The following LRRC15 variants were observed in gnomAD, a reference collection of about 807,000 sequenced individuals.
LRRC15 encodes the protein leucine-rich repeat-containing protein 15.
Under a neutral mutation model 4.3 loss-of-function variants are expected in LRRC15, and 5 were observed. The ratio of observed to expected loss-of-function variants is 1.16; its 90% CI spans 0.61 to 2.44. The LOEUF is 2.44. Ranked by LOEUF, LRRC15 falls within the 30% of genes most tolerant of loss-of-function variation. The pLI, the probability that LRRC15 is intolerant of heterozygous loss-of-function variation, is 0.01. For synonymous variants in LRRC15, 337 were observed against 323.2 expected, an observed-to-expected ratio of 1.04 and a Z score of -0.46; for missense variants, 769 against 747.0, an observed-to-expected ratio of 1.03 and a Z score of -0.34.
rs1713497005 is a variant in LRRC15 at position 194,358,487 on chromosome 3, C to G, written c.*811G>C. ...TTAATGTTTTTAGAAGTCCAAAATTCTACATGATTTCATTCCTTAAAGGGC... is the reference window on the plus strand; with the variant it reads ...TTAATGTTTTTAGAAGTCCAAAATTGTACATGATTTCATTCCTTAAAGGGC... On this transcript the variant is annotated 3_prime_UTR_variant, in exon 2 of 2. Coordinates refer to ENST00000347624, the MANE Select transcript of LRRC15 (RefSeq NM_130830.5). The G allele has an allele frequency of 6.6e-6, 1 of 152,228 alleles. No individual in the cohort carries two copies. The highest frequency in any genetic ancestry group is 1.5e-5 in the Non-Finnish European group (1 of 68,036). 9.4% of individuals were successfully genotyped at this position (152,228 alleles called of 1,614,324 possible).
At position 194,360,741 on chromosome 3, in the gene LRRC15, G is replaced by T. The variant is rs763647956; in HGVS notation, c.303C>A (p.Gly101=). ...TGGCGAGGCTGAGATAGCGCAGCGA[G>T]CCCAGGTTTCGGAAGGCCCCAGGCG... ...RITPGAFRNL[G]SLRYLSLANN... is the part of the protein sequence containing the mutation. The change falls in exon 2 of 2, where the codon GGC becomes GGA. Residue 101 remains glycine, a synonymous_variant. Coordinates refer to ENST00000347624, the MANE Select transcript of LRRC15 (RefSeq NM_130830.5). 6.2e-7 allele frequency: 1 copy of T among 1,614,222 alleles called. No homozygotes were observed. The highest frequency in any genetic ancestry group is 2.2e-5 in the East Asian group (1 of 44,884).
rs150242942 is a variant in LRRC15, at chr3:194,360,864, G to T, written c.180C>A (p.Ile60=). Residue 60 remains isoleucine, a synonymous_variant, in exon 2 of 2, where the codon ATC becomes ATA. Transcript: ENST00000347624. ...TGAGTTCAGTGATGTGCGTGTTGAG[G>T]ATCTGCAGGCTCATGGCGTTCCAGG... The part of the protein sequence containing the change: ...PLPWNAMSLQ[I]LNTHITELNE... The T allele has an allele frequency of 8.1e-6, 13 of 1,610,084 alleles. No homozygotes were observed. The highest frequency in any genetic ancestry group is 1.1e-5 in the Non-Finnish European group (13 of 1,177,330).
rs1454136825 is a variant in LRRC15 at position 194,359,542 on chromosome 3, G to C, written c.1502C>G (p.Ser501Cys). ...PDTPSYPDTT[S>C]VSSTTELTSP... is the part of the protein sequence containing the mutation. ...GGTTAGCTCAGTGGTAGAAGAGACG[G>C]ATGTGGTGTCAGGGTAACTGGGTGT... The change falls in exon 2 of 2, where the codon TCC becomes TGC. Residue 501 changes from serine (S) to cysteine (C), a missense_variant. Physicochemically the swap from Ser to Cys is moderately radical, Grantham distance 112. Transcript: ENST00000347624. The C allele has an allele frequency of 6.2e-7, 1 of 1,614,210 alleles. No individual in the cohort carries two copies. Among genetic ancestry groups the C allele is most frequent in the Admixed American group, 1.7e-5 (1 of 60,020 alleles).
Position 194,360,774 on chromosome 3 carries a change from C to T in LRRC15, c.270G>A (p.Ser90=), listed in dbSNP as rs1203638096. 30 of 1,614,198 alleles carry T rather than the reference C, an allele frequency of 1.9e-5. No homozygotes were observed. The highest frequency in any genetic ancestry group is 3.3e-4 in the Middle Eastern group (2 of 6,062). The change falls in exon 2 of 2, where the codon TCG becomes TCA. Residue 90 remains serine (S), a synonymous_variant. Coordinates refer to ENST00000347624, the MANE Select transcript of LRRC15 (RefSeq NM_130830.5). ...IALRIEKNEL[S]RITPGAFRNL... is the part of the protein sequence containing the mutation. Reference sequence around the variant, plus strand: ...TTCGGAAGGCCCCAGGCGTGATGCGCGACAGCTCATTCTTCTCAATCCTCA... The same window carrying T: ...TTCGGAAGGCCCCAGGCGTGATGCGTGACAGCTCATTCTTCTCAATCCTCA...
Position 194,360,233 on chromosome 3 carries a change from G to C in LRRC15, c.811C>G (p.Leu271Val). The change falls in exon 2 of 2, where the codon CTC becomes GTC. Residue 271 changes from leucine (L) to valine (V), a missense_variant. Physicochemically the swap from Leu to Val is conservative, Grantham distance 32. Coordinates refer to ENST00000347624, the MANE Select transcript of LRRC15 (RefSeq NM_130830.5). ...TTCCCAAAGAGAGTAAGACGGTTGAGCTGGGGCAGCTGCATGAAGACGCTG... is the reference window on the plus strand; with the variant it reads ...TTCCCAAAGAGAGTAAGACGGTTGACCTGGGGCAGCTGCATGAAGACGCTG... Reference protein sequence around the residue: ...PPSVFMQLPQLNRLTLFGNSL... With the variant: ...PPSVFMQLPQVNRLTLFGNSL... 1 of 1,613,850 alleles carries C rather than the reference G, an allele frequency of 6.2e-7. No individual in the cohort carries two copies. The highest frequency in any genetic ancestry group is 8.5e-7 in the Non-Finnish European group (1 of 1,179,758).
chr3:194,358,944 G>T lies in LRRC15; in HGVS notation c.*354C>A. On this transcript the variant is annotated 3_prime_UTR_variant, in exon 2 of 2. Coordinates refer to ENST00000347624, the MANE Select transcript of LRRC15 (RefSeq NM_130830.5). ...GAAGTGAGCAGGCTGTGGACTAACT[G>T]AGTCTACAGAGGCCCGGAGGGGGCC... 4.6e-6 allele frequency: 1 copy of T among 217,596 alleles called. No individual in the cohort carries two copies. The highest frequency in any genetic ancestry group is 9.9e-5 in the East Asian group (1 of 10,134). The allele number at this position is 217,596 out of a possible 1,614,324, so 13.5% of individuals were successfully genotyped here.
At chr3:194,363,365 AG>A in intron 1 of LRRC15, 2 of 715,092 alleles carry the variant, frequency 2.8e-6, no homozygotes, top group Non-Finnish European at 5.2e-6. Context: ...CCTTGTCCAA[AG>A]GCATCTAGAT....
At position 194,359,617 on chromosome 3, in the gene LRRC15, A is replaced by G; in HGVS notation, c.1427T>C (p.Val476Ala). The G allele has an allele frequency of 6.2e-7, 1 of 1,613,838 alleles. No homozygotes were observed. The highest frequency in any genetic ancestry group is 8.5e-7 in the Non-Finnish European group (1 of 1,179,900). The stretch of plus-strand genomic sequence containing the variant: ...GTAACTAGGCACCTCGGGGACATGG[A>G]CGCTTGGAACAGCAACGTTGACATT... ...IINVNVAVPS[V>A]HVPEVPSYPE... Residue 476 changes from valine (V) to alanine (A), a missense_variant, in exon 2 of 2, where the codon GTC becomes GCC. By Grantham distance (64) the Val-to-Ala change is moderately conservative. Transcript: ENST00000347624.
At position 194,363,208 on chromosome 3, in the gene LRRC15, GGATTACAGGCAT is replaced by G. The variant is rs1432592920; in HGVS notation, c.-3-2174_-3-2163del. ...CCCACCTCGGTCTCCCAAAGTGCTG[GGATTACAGGCAT>G]GAGCCACCGTGCCCGGCCAAGACCT... is the stretch of plus-strand genomic sequence containing the variant. On this transcript the variant is annotated intron_variant, in intron 1 of 1. Transcript: ENST00000347624. 6 of 447,618 alleles carry G rather than the reference GGATTACAGGCAT, an allele frequency of 1.3e-5. No homozygotes were observed. In the East Asian group the frequency reaches 2.4e-4, roughly 18 times the overall value. 27.7% of individuals were successfully genotyped at this position (447,618 alleles called of 1,614,324 possible). A position where few individuals can be genotyped will look rare whatever the true frequency, so the allele number is the denominator to read the frequency against.
intron 1 of LRRC15, among the ~76,000 whole-genome samples, chr3:194,363,766 A>T (rs12485733): frequency 1.0e-3 from 153 of 152,220 alleles, no homozygotes; most frequent in African/African-American, 3.6e-3. Flanking sequence ...TGGCAAGGGG[A>T]TCTAGAAAAC....
chr3:194,369,395 T>C (rs1475136893), intron 1 of LRRC15, among the ~76,000 whole-genome samples: 1 of 152,166 alleles, frequency 6.6e-6, no homozygotes, highest in African/African-American at 2.4e-5. Context: ...CAGGTTGACA[T>C]CATGAGCCGC....
intron 1 of LRRC15, among the ~76,000 whole-genome samples, chr3:194,367,694 C>A (rs1713821367): frequency 6.6e-6 from 1 of 152,206 alleles, no homozygotes; most frequent in African/African-American, 2.4e-5. Flanking sequence ...AGGTCACAGG[C>A]CCCTGATTTG....
At chr3:194,369,080 G>T (rs952920831) in intron 1 of LRRC15, among the ~76,000 whole-genome samples, 10 of 152,196 alleles carry the variant, frequency 6.6e-5, no homozygotes, top group African/African-American at 1.9e-4. Flanking sequence ...TGCAAACCAG[G>T]GACCAGCACA....
chr3:194,363,932 T>C (rs1466872232), intron 1 of LRRC15, among the ~76,000 whole-genome samples: 1 of 152,208 alleles, frequency 6.6e-6, no homozygotes, highest in Non-Finnish European at 1.5e-5. Context: ...CTAGCATCCC[T>C]GAAGGGCTGC....
chr3:194,361,304 G>A (rs1016859976), intron 1 of LRRC15, among the ~76,000 whole-genome samples: 7 of 152,112 alleles, frequency 4.6e-5, no homozygotes, highest in South Asian at 2.1e-4. Context: ...ATGCTTCCAC[G>A]TCCAACTCCA....
In LRRC15 at chr3:194,360,476, G is replaced by C. The variant is rs764616523; in HGVS notation, c.568C>G (p.Pro190Ala). Residue 190 changes from proline (P) to alanine (A), a missense_variant, in exon 2 of 2, where the codon CCC becomes GCC. By Grantham distance (27) the Pro-to-Ala change is conservative (BLOSUM62 -1). Coordinates refer to ENST00000347624, the MANE Select transcript of LRRC15 (RefSeq NM_130830.5). Reference protein sequence around the residue: ...LGKNSLTHISPRVFQHLGNLQ... With the variant: ...LGKNSLTHISARVFQHLGNLQ... ...TTGCCCAGGTGCTGGAAGACCCTGG[G>C]TGAGATGTGGGTGAGGCTATTCTTG... 1.2e-6 allele frequency: 2 copies of C among 1,614,166 alleles called. No individual in the cohort carries two copies. The highest frequency in any genetic ancestry group is 2.2e-5 in the South Asian group (2 of 91,080).
chr3:194,361,641 G>T (rs1713631574), intron 1 of LRRC15, among the ~76,000 whole-genome samples: 1 of 152,226 alleles, frequency 6.6e-6, no homozygotes. Context: ...GGGGAAGATG[G>T]TGAGGCCACA....
chr3:194,363,271 A>T (rs1577000596), intron 1 of LRRC15: 2 of 649,556 alleles, frequency 3.1e-6, no homozygotes, highest in East Asian at 5.7e-5. Context: ...TTCACAGCCC[A>T]TGGAAGCCCT....
At position 194,360,782 on chromosome 3, in the gene LRRC15, C is replaced by A. The variant is rs774946585; in HGVS notation, c.262G>T (p.Glu88Ter). The A allele has an allele frequency of 1.2e-6, 2 of 1,614,240 alleles. No individual in the cohort carries two copies. Residue 88 changes from glutamate (E) to a stop codon, truncating the protein, a stop_gained, in exon 2 of 2, where the codon GAG becomes TAG. Coordinates refer to ENST00000347624, the MANE Select transcript of LRRC15 (RefSeq NM_130830.5). LOFTEE classifies it low-confidence loss of function (END_TRUNC). ...ALIALRIEKN[E>*]LSRITPGAFR... ...GCCCCAGGCGTGATGCGCGACAGCT[C>A]ATTCTTCTCAATCCTCAGGGCGATG... is the stretch of plus-strand genomic sequence containing the variant.
Sources: allele counts gnomAD v4.1 joint callset (sites outside exome capture counted in the v4.1 genomes callset), GRCh38; gene constraint gnomAD v4.1.1; transcripts MANE v1.5; gene names NCBI Gene and HGNC (gene_info 2026-07-23, HGNC 2026-07-21).